The following CATSPERE variants were observed in gnomAD, a reference collection of about 807,000 sequenced individuals.
CATSPERE encodes the protein catsper channel auxiliary subunit epsilon.
A neutral mutation model predicts 114.1 loss-of-function variants in CATSPERE; 93 were observed. The observed-to-expected ratio is 0.81, with a 90% CI of 0.69 to 0.97. The LOEUF (loss-of-function observed/expected upper bound fraction) is 0.97. Among genes scored for constraint, CATSPERE ranks in the 50% least tolerant of loss-of-function variants. CATSPERE has a pLI of 0.00. For synonymous variants in CATSPERE, 341 were observed against 384.1 expected (o/e 0.89, Z 1.31); for missense variants, 1,058 against 1,131.6 (o/e 0.93, Z 0.93).
rs1327394227 is a variant in CATSPERE, at chr1:244,479,750, T to A, written c.292T>A (p.Ser98Thr). Residue 98 changes from serine (S) to threonine (T), a missense_variant, in exon 5 of 22, where the codon TCT becomes ACT. By Grantham distance (58) the Ser-to-Thr change is moderately conservative. Coordinates refer to ENST00000366534, the MANE Select transcript of CATSPERE (RefSeq NM_001130957.2). ...EEERYLFVES[S>T]HTCFLWYYRV... ...AGAACGCTATTTATTTGTGGAAAGT[T>A]CTCATACTTGCTTTCTGTGGTACTA... 6.2e-7 allele frequency: 1 copy of A among 1,600,552 alleles called. No individual in the cohort carries two copies. Among genetic ancestry groups the A allele is most frequent in the Non-Finnish European group, 8.5e-7 (1 of 1,171,446 alleles).
intron 12 of CATSPERE, among the ~76,000 whole-genome samples, chr1:244,583,162 A>G (rs1304597867): frequency 6.6e-6 from 1 of 152,192 alleles, no homozygotes; most frequent in African/African-American, 2.4e-5. Context: ...ACATTGCTAT[A>G]GAATACACGT....
chr1:244,561,129 T>C lies in CATSPERE; in HGVS notation c.1491T>C (p.Ile497=). 1.3e-6 allele frequency: 2 copies of C among 1,595,706 alleles called. No homozygotes were observed. The highest frequency in any genetic ancestry group is 2.7e-5 in the African/African-American group (2 of 74,644). ...NLSMLSNDSI[I]HEVFIDYYGD... ...CAATGCTATCAAATGACAGCATTAT[T>C]CATGAAGTTTTCATAGGTAAGGCAT... Residue 497 remains isoleucine (I), a synonymous_variant, in exon 10 of 22, where the codon ATT becomes ATC. Transcript: ENST00000366534.
At chr1:244,581,920 G>T (rs764540786) in intron 12 of CATSPERE, 66 bp downstream of exon 12, 28 of 696,452 alleles carry the variant, frequency 4.0e-5, no homozygotes, top group South Asian at 9.6e-5. Flanking sequence ...TGATTTGTGG[G>T]TGTTCTTTTA....
chr1:244,479,007 G>C (rs1426143418), intron 4 of CATSPERE, among the ~76,000 whole-genome samples: 1 of 106,698 alleles, frequency 9.4e-6, no homozygotes, highest in East Asian at 2.5e-4. Flanking sequence ...CAGCCTGGGG[G>C]ACAAGAGCCA....
intron 5 of CATSPERE, among the ~76,000 whole-genome samples, chr1:244,486,016 T>C (rs1670952837): frequency 1.3e-5 from 2 of 152,184 alleles, no homozygotes; most frequent in African/African-American, 4.8e-5. Flanking sequence ...TAAAATCCTT[T>C]TACCCAGAGG....
chr1:244,605,583 T>A, intron 17 of CATSPERE, 112 bp from the exon 18 acceptor site: 1 of 608,354 alleles, frequency 1.6e-6, no homozygotes, highest in Non-Finnish European at 2.8e-6. Flanking sequence ...TATCACTTTA[T>A]GAAGTGATAA....
chr1:244,543,900 T>A (rs1368818491), intron 8 of CATSPERE, among the ~76,000 whole-genome samples: 1 of 151,996 alleles, frequency 6.6e-6, no homozygotes, highest in Non-Finnish European at 1.5e-5. Flanking sequence ...TAAAGCTAAC[T>A]CACACCTTGT....
intron 21 of CATSPERE, among the ~76,000 whole-genome samples, chr1:244,637,451 C>T (rs533605909): frequency 5.0e-4 from 76 of 152,302 alleles, no homozygotes; most frequent in African/African-American, 1.8e-3. Context: ...ACCTTCCACA[C>T]TGTCATTACT....
At chr1:244,594,578 C>T (rs910551310) in intron 17 of CATSPERE, among the ~76,000 whole-genome samples, 2 of 152,084 alleles carry the variant, frequency 1.3e-5, no homozygotes, top group Non-Finnish European at 2.9e-5. Flanking sequence ...CATGTTTGGT[C>T]ACGAGTCCAG....
intron 6 of CATSPERE, among the ~76,000 whole-genome samples, chr1:244,493,225 C>T (rs546131486): frequency 6.6e-6 from 1 of 152,302 alleles, no homozygotes; most frequent in Admixed American, 6.5e-5. Context: ...GTAACCAAAA[C>T]AGCATGGTAC....
intron 8 of CATSPERE, among the ~76,000 whole-genome samples, chr1:244,524,981 A>G (rs1678287561): frequency 6.9e-6 from 1 of 145,900 alleles, no homozygotes; most frequent in South Asian, 2.1e-4. Context: ...CAGCCATCCC[A>G]TTACTCGGTA....
chr1:244,462,567 A>G (rs1249234332), intron 1 of CATSPERE, among the ~76,000 whole-genome samples: 1 of 152,130 alleles, frequency 6.6e-6, no homozygotes, highest in Non-Finnish European at 1.5e-5. Flanking sequence ...AAAATTTGCC[A>G]CTTGTATTTT....
chr1:244,627,669 C>T (rs768654935), intron 20 of CATSPERE, among the ~76,000 whole-genome samples: 2 of 152,124 alleles, frequency 1.3e-5, no homozygotes, highest in South Asian at 2.1e-4. Flanking sequence ...TTGTGTTAAT[C>T]CCGTGTTGAG....
chr1:244,623,970 C>G (rs1446634147), intron 20 of CATSPERE, among the ~76,000 whole-genome samples: 1 of 150,418 alleles, frequency 6.6e-6, no homozygotes, highest in East Asian at 2.0e-4. Flanking sequence ...GTGGCAGTTT[C>G]TTTTTTTTTG....
chr1:244,613,857 A>C (rs1415151291), intron 19 of CATSPERE, among the ~76,000 whole-genome samples: 1 of 152,236 alleles, frequency 6.6e-6, no homozygotes, highest in Non-Finnish European at 1.5e-5. Context: ...AGGTGATTGG[A>C]TCATGAAGGC....
rs1036855091 is a variant in CATSPERE, at chr1:244,560,937, C to T, written c.1299C>T (p.Ser433=). The part of the protein sequence containing the change: ...IYNEDTKQWV[S]QDFTLDAPID... ...ATGAAGATACAAAACAGTGGGTTTC[C>T]CAAGACTTTACATTAGATGCCCCTA... Residue 433 remains serine (S), a synonymous_variant, in exon 10 of 22, where the codon TCC becomes TCT. Transcript: ENST00000366534. The T allele has an allele frequency of 6.2e-7, 1 of 1,613,922 alleles. No individual in the cohort carries two copies. The highest frequency in any genetic ancestry group is 1.3e-5 in the African/African-American group (1 of 74,894).
Position 244,498,718 on chromosome 1 carries a change from T to G in CATSPERE, c.352-284T>G, listed in dbSNP as rs559011447. On this transcript the variant is annotated intron_variant, in intron 6 of 21. Transcript: ENST00000366534. ...TTTGAGACCAACCTGGCCAACATGG[T>G]GAAACCCCGTCTCTACTAAAAATAC... 1.8e-3 allele frequency among the ~76,000 whole-genome samples: 280 copies of G among 152,068 alleles called. 3 individuals are homozygous for G. Among genetic ancestry groups the G allele is most frequent in the Non-Finnish European group, 4.0e-4 (27 of 67,958 alleles).
intron 10 of CATSPERE, among the ~76,000 whole-genome samples, chr1:244,563,324 C>T (rs976690106): frequency 2.6e-4 from 40 of 152,188 alleles, no homozygotes; most frequent in African/African-American, 9.7e-4. Flanking sequence ...GTTCTAGATC[C>T]TTGAGCAGTT....
chr1:244,604,987 G>A (rs186796053), intron 17 of CATSPERE, among the ~76,000 whole-genome samples: 17 of 152,250 alleles, frequency 1.1e-4, no homozygotes, highest in Admixed American at 3.9e-4. Flanking sequence ...GGTAGAAGTC[G>A]TCTTGCATTC....
Sources: allele counts gnomAD v4.1 joint callset (sites outside exome capture counted in the v4.1 genomes callset), GRCh38; gene constraint gnomAD v4.1.1; transcripts MANE v1.5; gene names NCBI Gene and HGNC (gene_info 2026-07-23, HGNC 2026-07-21).